MBD5: variants seen among roughly 807,000 people sequenced by gnomAD.
MBD5 encodes methyl-CpG binding domain protein 5, also known as methyl-CpG-binding domain protein 5.
A neutral mutation model predicts 117.3 loss-of-function variants in MBD5; 13 were observed. The ratio of observed to expected loss-of-function variants is 0.11; its 90% CI spans 0.07 to 0.18. The LOEUF (loss-of-function observed/expected upper bound fraction) is 0.18, where lower values mean the gene tolerates loss of function less well. MBD5 is among the 10% of genes least tolerant of loss of function. MBD5 has a pLI of 1.00. For synonymous variants in MBD5, 727 were observed against 766.4 expected (o/e 0.95, Z 0.85); for missense variants, 1,879 against 2,093.8 (o/e 0.90, Z 2.00).
At chr2:148,188,764 C>G (rs1227182074) in intron 2 of MBD5, among the ~76,000 whole-genome samples, 1 of 151,820 alleles carries the variant, frequency 6.6e-6, no homozygotes, top group African/African-American at 2.4e-5. Context: ...CCAAGATGGC[C>G]GAATAGGAAC....
At chr2:148,417,101 A>G (rs1435520931) in intron 4 of MBD5, among the ~76,000 whole-genome samples, 1 of 152,024 alleles carries the variant, frequency 6.6e-6, no homozygotes, top group Admixed American at 6.6e-5. Context: ...GTAAACATAC[A>G]TGTGCAGGTA....
chr2:148,085,851 A>G (rs932348786), intron 1 of MBD5, among the ~76,000 whole-genome samples: 2 of 152,210 alleles, frequency 1.3e-5, no homozygotes, highest in South Asian at 2.1e-4. Context: ...TCCTTTATCT[A>G]TAATTGTGAA....
chr2:148,391,784 A>G (rs1054369434), intron 4 of MBD5, among the ~76,000 whole-genome samples: 1 of 152,328 alleles, frequency 6.6e-6, no homozygotes, highest in East Asian at 1.9e-4. Flanking sequence ...GTTATCAGAT[A>G]AAAGCAAATA....
At chr2:148,418,700 A>C (rs188279363) in intron 4 of MBD5, among the ~76,000 whole-genome samples, 2 of 152,326 alleles carry the variant, frequency 1.3e-5, no homozygotes, top group Admixed American at 1.3e-4. Context: ...AAGGAGAACT[A>C]TAAAACACTG....
At chr2:148,264,406 C>A (rs1185509694) in intron 3 of MBD5, 1 of 152,138 alleles carries the variant, frequency 6.6e-6, no homozygotes, top group Non-Finnish European at 1.5e-5. Flanking sequence ...AGGTCACACA[C>A]AACTAGCAAT....
At chr2:148,221,278 A>G (rs548230039) in intron 2 of MBD5, among the ~76,000 whole-genome samples, 23 of 152,260 alleles carry the variant, frequency 1.5e-4, no homozygotes, top group Admixed American at 1.5e-3. Flanking sequence ...TCTTTTGGGT[A>G]TATACCCAGC....
intron 1 of MBD5, among the ~76,000 whole-genome samples, chr2:148,032,612 G>A (rs1694071890): frequency 6.6e-6 from 1 of 152,070 alleles, no homozygotes; most frequent in African/African-American, 2.4e-5. Flanking sequence ...GAGTTATGTA[G>A]GAGCCAAACT....
intron 4 of MBD5, among the ~76,000 whole-genome samples, chr2:148,445,547 T>A (rs1201372357): frequency 1.3e-5 from 2 of 151,372 alleles, no homozygotes; most frequent in Non-Finnish European, 2.9e-5. Context: ...TGTTGGACAT[T>A]TGGGTTTGTT....
chr2:148,353,013 A>T (rs540790216), intron 4 of MBD5, among the ~76,000 whole-genome samples: 1 of 152,108 alleles, frequency 6.6e-6, no homozygotes, highest in Non-Finnish European at 1.5e-5. Context: ...GGGAAATTCC[A>T]TGATACTATT....
intron 3 of MBD5, among the ~76,000 whole-genome samples, chr2:148,262,688 C>G (rs1394568610): frequency 1.3e-5 from 2 of 152,184 alleles, no homozygotes; most frequent in Non-Finnish European, 2.9e-5. Context: ...TGAACCAAGG[C>G]AGATAGACTG....
chr2:148,263,761 T>C (rs1350202085), intron 3 of MBD5, among the ~76,000 whole-genome samples: 5 of 152,244 alleles, frequency 3.3e-5, no homozygotes, highest in African/African-American at 4.8e-5. Flanking sequence ...AATGAAATCC[T>C]ACATTAGTGT....
At chr2:148,373,732 A>G (rs761656759) in intron 4 of MBD5, among the ~76,000 whole-genome samples, 7 of 152,174 alleles carry the variant, frequency 4.6e-5, no homozygotes, top group Admixed American at 6.6e-5. Flanking sequence ...GAAAGCACAA[A>G]CCAAATAAGC....
chr2:148,308,036 T>C (rs1032157920), intron 3 of MBD5, among the ~76,000 whole-genome samples: 8 of 152,226 alleles, frequency 5.3e-5, no homozygotes, highest in Non-Finnish European at 7.3e-5. Context: ...TTATCTAGTC[T>C]ATCACTGATG....
At chr2:148,424,177 CAAAAAAAAAAAAA>C (rs56740583) in intron 4 of MBD5, among the ~76,000 whole-genome samples, 44 of 53,422 alleles carry the variant, frequency 8.2e-4, no homozygotes, top group East Asian at 2.7e-3. Context: ...GACTCTGTCT[CAAAAAAAAAAAAA>C]AAAAAAAAAA....
chr2:148,446,903 C>T (rs2105448499), intron 4 of MBD5, among the ~76,000 whole-genome samples: 2 of 152,056 alleles, frequency 1.3e-5, no homozygotes, highest in Middle Eastern at 6.8e-3. Flanking sequence ...TATTTGCTAA[C>T]AGAAAACAAT....
At chr2:148,035,152 T>C (rs1186006622) in intron 1 of MBD5, among the ~76,000 whole-genome samples, 2 of 151,810 alleles carry the variant, frequency 1.3e-5, no homozygotes, top group Admixed American at 1.3e-4. Flanking sequence ...TCTACTACCA[T>C]AGTAGATGAA....
chr2:148,285,259 T>C lies in MBD5; in HGVS notation c.-680+51864T>C, dbSNP rs557781291. Among the ~76,000 whole-genome samples, 31 of 152,336 alleles carry C rather than the reference T, an allele frequency of 2.0e-4. No homozygotes were observed. In the South Asian group the frequency reaches 6.2e-3, roughly 31 times the overall value. ...GATAACTGAAAGAGAGTAGAAAAAG[T>C]CATCTCAATAACAGTTATATACCTT... On this transcript the variant is annotated intron_variant, in intron 3 of 13. Transcript: ENST00000642680.
At chr2:148,453,919 A>G (rs1355756011) in intron 4 of MBD5, among the ~76,000 whole-genome samples, 2 of 152,070 alleles carry the variant, frequency 1.3e-5, no homozygotes, top group African/African-American at 4.8e-5. Flanking sequence ...ACTTTAAGAA[A>G]TGTATGAAGG....
rs1272102280 is a variant in MBD5, at chr2:148,514,573, A to G, written c.*1632A>G. ...CCTGGGGCTCACACAACAGTCTGCC[A>G]CTCAGGCTGCTAGGAGATTCTCCAA... On this transcript the variant is annotated 3_prime_UTR_variant, in exon 14 of 14. Transcript: ENST00000642680. 6.6e-6 allele frequency: 1 copy of G among 152,268 alleles called. No individual in the cohort carries two copies. Among genetic ancestry groups the G allele is most frequent in the Non-Finnish European group, 1.5e-5 (1 of 68,106 alleles). The allele number at this position is 152,268 out of a possible 1,614,324, so 9.4% of individuals were successfully genotyped here.
Sources: gnomAD v4.1 joint callset for allele counts (sites outside exome capture counted in the v4.1 genomes callset) on GRCh38, gnomAD v4.1.1 for gene constraint, MANE v1.5 for transcripts, NCBI Gene and HGNC (gene_info 2026-07-23, HGNC 2026-07-21) for gene names.